The following FSTL5 variants were observed in gnomAD, a reference collection of about 807,000 sequenced individuals.
The protein encoded by FSTL5 is follistatin-related protein 5.
In FSTL5, 62 loss-of-function variants were observed where a neutral mutation model predicts 89.1. The observed-to-expected ratio is 0.70, with a 90% CI of 0.57 to 0.86. The LOEUF is 0.86. Ranked by LOEUF, FSTL5 falls within the 40% of genes least tolerant of loss-of-function variation. FSTL5 has a pLI of 0.00. For missense variants in FSTL5, 1,057 were observed against 1,001.6 expected (o/e 1.06, Z -0.75); for synonymous variants, 383 against 346.2 (o/e 1.11, Z -1.18).
intron 4 of FSTL5, among the ~76,000 whole-genome samples, chr4:161,897,586 A>G (rs2110778106): frequency 6.6e-6 from 1 of 151,016 alleles, no homozygotes. Flanking sequence ...AAAAAAAAAA[A>G]AAAAAAAAGA....
At chr4:161,726,216 T>G (rs945190300) in intron 6 of FSTL5, among the ~76,000 whole-genome samples, 22 of 78,772 alleles carry the variant, frequency 2.8e-4, no homozygotes, top group Non-Finnish European at 5.8e-4. Context: ...TTTTTTTTCT[T>G]TTTTCTTTTT....
intron 6 of FSTL5, among the ~76,000 whole-genome samples, chr4:161,734,351 C>T (rs1739718197): frequency 6.6e-6 from 1 of 152,082 alleles, no homozygotes; most frequent in African/African-American, 2.4e-5. Context: ...GTAAAATATA[C>T]ACCACATTGA....
At chr4:161,508,168 A>C (rs1405453883) in intron 11 of FSTL5, among the ~76,000 whole-genome samples, 1 of 152,076 alleles carries the variant, frequency 6.6e-6, no homozygotes, top group African/African-American at 2.4e-5. Context: ...GTGATTCCTC[A>C]AGCCAGTCTA....
At chr4:161,747,813 C>T (rs769741131) in intron 6 of FSTL5, among the ~76,000 whole-genome samples, 12 of 152,184 alleles carry the variant, frequency 7.9e-5, no homozygotes, top group Non-Finnish European at 1.5e-4. Context: ...TTAGTGTACA[C>T]ACTTTGTTTC....
intron 11 of FSTL5, among the ~76,000 whole-genome samples, chr4:161,502,252 T>C (rs1730318692): frequency 6.6e-6 from 1 of 151,928 alleles, no homozygotes; most frequent in Non-Finnish European, 1.5e-5. Flanking sequence ...GGGATTCCAC[T>C]ATGATTTGTT....
intron 1 of FSTL5, among the ~76,000 whole-genome samples, chr4:162,146,091 T>A: frequency 6.6e-6 from 1 of 152,280 alleles, no homozygotes; most frequent in Non-Finnish European, 1.5e-5. Context: ...TTCTTATTTA[T>A]ATGCATGATA....
At chr4:161,640,790 C>CT (rs1735930487) in intron 7 of FSTL5, among the ~76,000 whole-genome samples, 1 of 152,116 alleles carries the variant, frequency 6.6e-6, no homozygotes, top group African/African-American at 2.4e-5. Context: ...AGACATGAAT[C>CT]TTAACATCCA....
At chr4:162,084,374 T>G (rs187022064) in intron 2 of FSTL5, among the ~76,000 whole-genome samples, 12 of 152,096 alleles carry the variant, frequency 7.9e-5, no homozygotes, top group Admixed American at 6.6e-4. Flanking sequence ...AAATAACATT[T>G]GAAAACCAGT....
At chr4:161,981,166 T>G (rs1735817708) in intron 3 of FSTL5, among the ~76,000 whole-genome samples, 1 of 152,136 alleles carries the variant, frequency 6.6e-6, no homozygotes, top group Non-Finnish European at 1.5e-5. Flanking sequence ...TGCTGAAAAG[T>G]CAGTACAGGA....
At chr4:161,695,455 A>G (rs3077030) in intron 6 of FSTL5, among the ~76,000 whole-genome samples, 87,613 of 120,922 alleles carry the variant, frequency 0.72, 30,355 homozygotes, top group Non-Finnish European at 0.81. Flanking sequence ...GTGTGTGTGT[A>G]TATATATCAC....
rs75463471 is a variant in FSTL5 at position 161,930,071 on chromosome 4, G to A, written c.161-9419C>T. The stretch of plus-strand genomic sequence containing the variant: ...GGGGAAAGATCCTTTAAATTCCTGA[G>A]TTTTTCTGGCCTTGAGTCATAATCA... On this transcript the variant is annotated intron_variant, in intron 3 of 15. Transcript: ENST00000306100. 0.012 allele frequency among the ~76,000 whole-genome samples: 1,802 copies of A among 151,844 alleles called. 90 individuals carry two copies. In the East Asian group the frequency reaches 0.16, roughly 13 times the overall value.
At chr4:161,874,121 A>C (rs1374750727) in intron 4 of FSTL5, among the ~76,000 whole-genome samples, 4 of 152,102 alleles carry the variant, frequency 2.6e-5, no homozygotes, top group Non-Finnish European at 5.9e-5. Flanking sequence ...ATACAAACTT[A>C]TGTTCTAAAG....
At chr4:161,404,132 A>C (rs1578947378) in intron 15 of FSTL5, among the ~76,000 whole-genome samples, 1 of 152,290 alleles carries the variant, frequency 6.6e-6, no homozygotes, top group East Asian at 1.9e-4. Context: ...GTAATAATGC[A>C]AGGTGCTTGC....
chr4:161,737,689 T>A (rs577883094), intron 6 of FSTL5, among the ~76,000 whole-genome samples: 29 of 152,124 alleles, frequency 1.9e-4, no homozygotes, highest in Non-Finnish European at 3.7e-4. Flanking sequence ...AAGCAAAACC[T>A]ATGTATGTAA....
chr4:161,804,845 A>G (rs1053457117), intron 4 of FSTL5, among the ~76,000 whole-genome samples: 2 of 152,028 alleles, frequency 1.3e-5, no homozygotes, highest in Non-Finnish European at 2.9e-5. Context: ...ATAGTTGGCC[A>G]ATAAGATCCT....
chr4:162,001,985 CT>C (rs1021101258), intron 3 of FSTL5, among the ~76,000 whole-genome samples: 3 of 152,006 alleles, frequency 2.0e-5, no homozygotes, highest in Admixed American at 6.6e-5. Context: ...AACCTGTCTA[CT>C]TTTTTTATTT....
chr4:161,923,477 G>A (rs1356879687), intron 3 of FSTL5, among the ~76,000 whole-genome samples: 3 of 151,686 alleles, frequency 2.0e-5, no homozygotes, highest in Non-Finnish European at 4.4e-5. Flanking sequence ...TGTTTATAGA[G>A]TCTATATGGG....
chr4:162,040,149 A>G (rs1412909597), intron 2 of FSTL5, among the ~76,000 whole-genome samples: 1 of 152,064 alleles, frequency 6.6e-6, no homozygotes, highest in African/African-American at 2.4e-5. Flanking sequence ...TACTTCCCAG[A>G]CAAATGCTAC....
At chr4:161,407,672 G>A (rs1164927239) in intron 15 of FSTL5, among the ~76,000 whole-genome samples, 2 of 152,186 alleles carry the variant, frequency 1.3e-5, no homozygotes, top group African/African-American at 4.8e-5. Context: ...GCATAGGTCA[G>A]CTCTAGCCCC....
Sources: allele counts gnomAD v4.1 joint callset (sites outside exome capture counted in the v4.1 genomes callset), GRCh38; gene constraint gnomAD v4.1.1; transcripts MANE v1.5; gene names NCBI Gene and HGNC (gene_info 2026-07-23, HGNC 2026-07-21).